Variants in DOCK10 observed in about 807,000 individuals in gnomAD.
DOCK10 encodes dedicator of cytokinesis protein 10.
In DOCK10, 145 loss-of-function variants were observed where a neutral mutation model predicts 280.1. The ratio of observed to expected loss-of-function variants is 0.52; its 90% CI spans 0.45 to 0.59. DOCK10 has a LOEUF of 0.59. Ranked by LOEUF, DOCK10 falls within the 20% of genes least tolerant of loss-of-function variation. The pLI is 0.00. For synonymous variants in DOCK10, 915 were observed against 942.2 expected, an observed-to-expected ratio of 0.97 and a Z score of 0.53; for missense variants, 2,368 against 2,651.7, an observed-to-expected ratio of 0.89 and a Z score of 2.35.
At chr2:224,935,714 A>T (rs1304039882) in intron 1 of DOCK10, among the ~76,000 whole-genome samples, 1 of 152,208 alleles carries the variant, frequency 6.6e-6, no homozygotes, top group Non-Finnish European at 1.5e-5. Context: ...AAGTGTTAAT[A>T]GATAAAGCCT....
chr2:224,955,905 T>A (rs1704009163), intron 1 of DOCK10, among the ~76,000 whole-genome samples: 1 of 152,222 alleles, frequency 6.6e-6, no homozygotes, highest in Non-Finnish European at 1.5e-5. Context: ...CCATATGTAT[T>A]TAATCTAGTT....
In DOCK10 at chr2:225,016,970, G is replaced by A. The variant is rs537918681; in HGVS notation, c.123+25282C>T. 1.8e-4 allele frequency among the ~76,000 whole-genome samples: 27 copies of A among 152,044 alleles called. No individual in the cohort carries two copies. The South Asian group carries it at 4.6e-3, about 26-fold the overall frequency. ...ACTCCTGACCTCAGGTGATCCACCCGCTTTGGCCTCCCAAAGTGCTGGGAT... is the reference window on the plus strand; with the variant it reads ...ACTCCTGACCTCAGGTGATCCACCCACTTTGGCCTCCCAAAGTGCTGGGAT... On this transcript the variant is annotated intron_variant, in intron 1 of 55. Coordinates refer to ENST00000258390, the MANE Select transcript of DOCK10 (RefSeq NM_014689.3).
rs77261978 is a variant in DOCK10 at position 224,913,621 on chromosome 2, T to G, written c.333+3074A>C. 6.6e-5 allele frequency among the ~76,000 whole-genome samples: 10 copies of G among 152,104 alleles called. No individual in the cohort carries two copies. The East Asian group carries it at 1.9e-3, about 29-fold the overall frequency. On this transcript the variant is annotated intron_variant, in intron 3 of 55. Coordinates refer to ENST00000258390, the MANE Select transcript of DOCK10 (RefSeq NM_014689.3). ...CATTTGTCATATACAAATTTTAATTTTTTATTTGGTTAAATCTGTCAGTTT... is the reference window on the plus strand; with the variant it reads ...CATTTGTCATATACAAATTTTAATTGTTTATTTGGTTAAATCTGTCAGTTT...
In DOCK10 at chr2:224,985,630, G is replaced by GA. The variant is rs56042875; in HGVS notation, c.124-53963dup. Among the ~76,000 whole-genome samples, 52 of 142,102 alleles carry GA rather than the reference G, an allele frequency of 3.7e-4. 1 individual carries two copies. Among genetic ancestry groups the GA allele is most frequent in the South Asian group, 1.3e-3 (6 of 4,494 alleles). 93.2% of individuals were successfully genotyped at this position (142,102 alleles called of 152,430 possible). Reference sequence around the variant, plus strand: ...AAGAGAGTAAAAGGAGGTTAAGGAGGAAAAAAAAAAAGAGAAAAACGAATG... The same window carrying GA: ...AAGAGAGTAAAAGGAGGTTAAGGAGGAAAAAAAAAAAAGAGAAAAACGAATG... On this transcript the variant is annotated intron_variant, in intron 1 of 55. Coordinates refer to ENST00000258390, the MANE Select transcript of DOCK10 (RefSeq NM_014689.3).
In DOCK10 at chr2:224,904,907, T is replaced by A. The variant is rs190666631; in HGVS notation, c.334-8530A>T. Among the ~76,000 whole-genome samples the A allele has an allele frequency of 8.5e-5, 13 of 152,338 alleles. No individual in the cohort carries two copies. The East Asian group carries it at 2.1e-3, about 25-fold the overall frequency. On this transcript the variant is annotated intron_variant, in intron 3 of 55. Coordinates refer to ENST00000258390, the MANE Select transcript of DOCK10 (RefSeq NM_014689.3). ...TTTCTTGAGACAAGATAAATTTCATTCTAGTTAGATATATTTCTTTCAGTT... is the reference window on the plus strand; with the variant it reads ...TTTCTTGAGACAAGATAAATTTCATACTAGTTAGATATATTTCTTTCAGTT...
chr2:224,940,973 T>G lies in DOCK10; in HGVS notation c.124-9305A>C, dbSNP rs983020608. Among the ~76,000 whole-genome samples the G allele has an allele frequency of 2.6e-5, 4 of 152,338 alleles. No individual in the cohort carries two copies. The East Asian group carries it at 5.8e-4, about 22-fold the overall frequency. Reference sequence around the variant, plus strand: ...CTGTATTTATTTATTATAGTAAAACTAATTCATATGTGTTTTCTTGTAGAA... The same window carrying G: ...CTGTATTTATTTATTATAGTAAAACGAATTCATATGTGTTTTCTTGTAGAA... On this transcript the variant is annotated intron_variant, in intron 1 of 55. Coordinates refer to ENST00000258390, the MANE Select transcript of DOCK10 (RefSeq NM_014689.3).
At chr2:224,992,038 A>G (rs6759015) in intron 1 of DOCK10, among the ~76,000 whole-genome samples, 93,044 of 152,014 alleles carry the variant, frequency 0.61, 29,253 homozygotes, top group Middle Eastern at 0.73. Context: ...GGTTCAGGAG[A>G]GAGAAATCTG....
intron 2 of DOCK10, among the ~76,000 whole-genome samples, chr2:224,921,526 GA>G (rs1701754219): frequency 6.6e-6 from 1 of 151,776 alleles, no homozygotes; most frequent in Admixed American, 6.6e-5. Context: ...AATTCAGGCC[GA>G]GTTACAAAAA....
intron 1 of DOCK10, among the ~76,000 whole-genome samples, chr2:224,977,484 T>C (rs750794883): frequency 1.3e-5 from 2 of 152,144 alleles, no homozygotes; most frequent in South Asian, 2.1e-4. Context: ...GTAAATGACA[T>C]AGGAAATAAT....
chr2:224,770,097 G>T lies in DOCK10; in HGVS notation c.6444+114C>A. The T allele has an allele frequency of 1.6e-6, 2 of 1,220,992 alleles. No individual in the cohort carries two copies. The highest frequency in any genetic ancestry group is 2.2e-6 in the Non-Finnish European group (2 of 916,260). 75.6% of individuals were successfully genotyped at this position (1,220,992 alleles called of 1,614,324 possible). A position where few individuals can be genotyped will look rare whatever the true frequency, so the allele number is the denominator to read the frequency against. ...AGAGAGAACAGATCAGCAACATGGT[G>T]CTGATGCAGTGATTTCTGCAGCAAG... On this transcript the variant is annotated intron_variant, in intron 55 of 55. Transcript: ENST00000258390. The surrounding 1 kb of genome is among the most constrained non-coding windows in gnomAD (Gnocchi z 4.5).
chr2:224,805,264 T>C lies in DOCK10; in HGVS notation c.3993A>G (p.Gln1331=). 1 of 1,613,186 alleles carries C rather than the reference T, an allele frequency of 6.2e-7. No homozygotes were observed. Among genetic ancestry groups the C allele is most frequent in the South Asian group, 1.1e-5 (1 of 91,060 alleles). ...GSTLRFDKLD[Q]AETRSLLMCF... is the part of the protein sequence containing the mutation. The stretch of plus-strand genomic sequence containing the variant: ...ACATCAGGAGACTCCTGGTTTCTGC[T>C]TGATCTAACTTGTCAAATCGAAGAG... Residue 1331 remains glutamine, a synonymous_variant, in exon 36 of 56, where the codon CAA becomes CAG. Transcript: ENST00000258390. The surrounding 1 kb of genome is among the most constrained non-coding windows in gnomAD (Gnocchi z 4.3).
Position 224,862,481 on chromosome 2 carries a change from T to C in DOCK10, c.1685+183A>G, listed in dbSNP as rs1186347814. On this transcript the variant is annotated intron_variant, in intron 14 of 55. Coordinates refer to ENST00000258390, the MANE Select transcript of DOCK10 (RefSeq NM_014689.3). ...GGCCCTCTATTATAAACTGTATTGC[T>C]AAACTGTCTTGTGAAATGTATGTCT... The C allele has an allele frequency of 7.0e-6, 4 of 572,900 alleles. No homozygotes were observed. In the Admixed American group the frequency reaches 9.0e-5, roughly 13 times the overall value. 35.5% of individuals were successfully genotyped at this position (572,900 alleles called of 1,614,324 possible).
chr2:224,825,667 C>T (rs1694797275), intron 27 of DOCK10, among the ~76,000 whole-genome samples: 1 of 152,218 alleles, frequency 6.6e-6, no homozygotes, highest in Admixed American at 6.5e-5. Flanking sequence ...CTCTCAAAGT[C>T]TCCTGTGGCC....
At chr2:224,852,571 A>G (rs1696816004) in intron 17 of DOCK10, 129 bp from the exon 18 acceptor site, 2 of 710,404 alleles carry the variant, frequency 2.8e-6, no homozygotes, top group African/African-American at 3.6e-5. Context: ...TTCTTGTGAC[A>G]TTATCCATAA....
At chr2:224,803,233 T>C (rs1326195450) in intron 39 of DOCK10, among the ~76,000 whole-genome samples, 3 of 152,110 alleles carry the variant, frequency 2.0e-5, no homozygotes, top group East Asian at 1.9e-4. Flanking sequence ...TTATTAAACA[T>C]GGAAACTAAT....
chr2:224,842,098 C>G (rs1316475428), intron 22 of DOCK10, among the ~76,000 whole-genome samples: 3 of 152,212 alleles, frequency 2.0e-5, no homozygotes, highest in Admixed American at 1.3e-4. Context: ...AAAGCCCACT[C>G]TCTCTTCTAT....
chr2:224,849,462 A>C lies in DOCK10; in HGVS notation c.2235+45T>G, dbSNP rs183173194. 5.1e-4 allele frequency: 711 copies of C among 1,405,072 alleles called. No individual in the cohort carries two copies. In the African/African-American group the frequency reaches 9.2e-3, roughly 18 times the overall value. The allele number at this position is 1,405,072 out of a possible 1,614,324, so 87.0% of individuals were successfully genotyped here. The stretch of plus-strand genomic sequence containing the variant: ...TGCACGGTTATCTGAACATTTACCC[A>C]CCTTTCTTAGGAACCGCTGGGGGCA... On this transcript the variant is annotated intron_variant, in intron 19 of 55. Transcript: ENST00000258390.
chr2:225,003,031 A>G (rs1706480812), intron 1 of DOCK10, among the ~76,000 whole-genome samples: 1 of 152,082 alleles, frequency 6.6e-6, no homozygotes, highest in Admixed American at 6.5e-5. Context: ...AGGAATTTGA[A>G]GGTTACATTT....
At chr2:224,987,090 T>C (rs1307467980) in intron 1 of DOCK10, among the ~76,000 whole-genome samples, 1 of 152,148 alleles carries the variant, frequency 6.6e-6, no homozygotes, top group Non-Finnish European at 1.5e-5. Flanking sequence ...TAGCTCAAGG[T>C]GGTGCGTGGA....
Sources: allele counts gnomAD v4.1 joint callset (sites outside exome capture counted in the v4.1 genomes callset), GRCh38; gene constraint gnomAD v4.1.1; non-coding constraint Gnocchi (gnomAD v3.1); transcripts MANE v1.5; gene names NCBI Gene and HGNC (gene_info 2026-07-23, HGNC 2026-07-21).